MCF2: variants seen among roughly 807,000 people sequenced by gnomAD.
MCF2 encodes the protein proto-oncogene DBL.
In MCF2, 44 loss-of-function variants were observed where a neutral mutation model predicts 82.5. The ratio of observed to expected loss-of-function variants is 0.53; its 90% confidence interval spans 0.42 to 0.69. The LOEUF (loss-of-function observed/expected upper bound fraction) is 0.69. Among genes scored for constraint, MCF2 ranks in the 30% least tolerant of loss-of-function variants. The pLI is 0.00. For missense variants in MCF2, 623 were observed against 663.1 expected (o/e 0.94, Z 0.66); for synonymous variants, 217 against 224.9 (o/e 0.96, Z 0.32).
intron 23 of MCF2, 78 bp from the exon 28 acceptor site, chrX:139,585,256 A>G: frequency 1.7e-6 from 1 of 575,304 alleles, no homozygotes; most frequent in Non-Finnish European, 2.7e-6. Context: ...ACTAGCTGTA[A>G]TCCTTTAAAA....
chrX:139,697,155 T>C (rs192777680), intron 1 of MCF2, among the ~76,000 whole-genome samples: 1 of 111,951 alleles, frequency 8.9e-6, no homozygotes, highest in Non-Finnish European at 1.9e-5. Context: ...CCATGGCCAC[T>C]GTGATAAGTT....
At chrX:139,665,197 G>C (rs1228491564) in intron 1 of MCF2, among the ~76,000 whole-genome samples, 1 of 111,441 alleles carries the variant, frequency 9.0e-6, no homozygotes, top group African/African-American at 3.3e-5. Flanking sequence ...TCTCAGTAAA[G>C]TCACATGTTC....
At chrX:139,666,396 T>C (rs1022476087) in intron 1 of MCF2, among the ~76,000 whole-genome samples, 28 of 111,176 alleles carry the variant, frequency 2.5e-4, no homozygotes, top group African/African-American at 9.2e-4. Context: ...GCCAGTCTGG[T>C]GGCCCTAAAG....
At chrX:139,634,140 A>G (rs985000135) in intron 1 of MCF2, among the ~76,000 whole-genome samples, 4 of 111,917 alleles carry the variant, frequency 3.6e-5, no homozygotes, top group African/African-American at 1.3e-4. Context: ...AAGGGAAAGA[A>G]GTCTAGGCTA....
chrX:139,700,474 T>C (rs1267928170), intron 1 of MCF2, among the ~76,000 whole-genome samples: 1 of 112,088 alleles, frequency 8.9e-6, no homozygotes, highest in Non-Finnish European at 1.9e-5. Context: ...AGAATATTGA[T>C]ATTTTGGCAT....
chrX:139,582,472 C>G, exon 25 of MCF2: 1 of 1,209,594 alleles, frequency 8.3e-7, no homozygotes, highest in Non-Finnish European at 1.1e-6. Context: ...GTAGCTTCAT[C>G]AATATAGGAG....
At chrX:139,627,598 C>T (rs914183168) in intron 4 of MCF2, among the ~76,000 whole-genome samples, 2 of 111,708 alleles carry the variant, frequency 1.8e-5, no homozygotes, top group Non-Finnish European at 3.8e-5. Flanking sequence ...ATTCTGAGGA[C>T]AGATTCCATG....
At chrX:139,674,458 T>C (rs890815377) in intron 1 of MCF2, among the ~76,000 whole-genome samples, 11 of 112,093 alleles carry the variant, frequency 9.8e-5, no homozygotes, top group Admixed American at 9.5e-4. Context: ...CAGTGGTTGA[T>C]ACTGGTTGTT....
At chrX:139,648,208 C>T (rs772720394) in intron 2 of MCF2, among the ~76,000 whole-genome samples, 2 of 109,972 alleles carry the variant, frequency 1.8e-5, no homozygotes, top group African/African-American at 6.6e-5. Flanking sequence ...CCTGTCTCTA[C>T]CAAAAATACA....
At chrX:139,693,083 C>T (rs1406808805) in intron 1 of MCF2, among the ~76,000 whole-genome samples, 1 of 111,370 alleles carries the variant, frequency 9.0e-6, no homozygotes, top group Non-Finnish European at 1.9e-5. Flanking sequence ...GCCCTGAACC[C>T]AAAGCACTCA....
At chrX:139,705,646 T>C (rs1379664287) in intron 1 of MCF2, among the ~76,000 whole-genome samples, 1 of 112,375 alleles carries the variant, frequency 8.9e-6, no homozygotes, top group Non-Finnish European at 1.9e-5. Flanking sequence ...TTTTCGACAT[T>C]GGCCTTGGTA....
At chrX:139,599,952 A>T (rs1930412521) in intron 16 of MCF2, among the ~76,000 whole-genome samples, 1 of 112,332 alleles carries the variant, frequency 8.9e-6, no homozygotes, top group African/African-American at 3.2e-5. Context: ...AATGCTATAC[A>T]TCCATATAAT....
At chrX:139,646,149 C>A (rs1280028925), upstream of MCF2, among the ~76,000 whole-genome samples, 1 of 111,643 alleles carries the variant, frequency 9.0e-6, no homozygotes, top group African/African-American at 3.2e-5. Flanking sequence ...CACTTTCAAG[C>A]TTCAATAGGT....
chrX:139,665,161 C>T (rs1413339839), intron 1 of MCF2, among the ~76,000 whole-genome samples: 2 of 111,471 alleles, frequency 1.8e-5, no homozygotes, highest in African/African-American at 6.5e-5. Context: ...GTGGCACAAG[C>T]ACTCCCTTAG....
At chrX:139,600,436 C>T (rs569377664) in intron 16 of MCF2, among the ~76,000 whole-genome samples, 29 of 111,193 alleles carry the variant, frequency 2.6e-4, no homozygotes, top group African/African-American at 8.5e-4. Flanking sequence ...GGATGTTTAT[C>T]TAGAAAGAGT....
chrX:139,638,498 C>A (rs188246958), intron 1 of MCF2, among the ~76,000 whole-genome samples: 1 of 111,405 alleles, frequency 9.0e-6, no homozygotes, highest in Non-Finnish European at 1.9e-5. Flanking sequence ...CCATGGTGAA[C>A]TGGAGAACAT....
chrX:139,586,377 C>G lies in MCF2; in HGVS notation c.2632+1G>C. ...CGTCTTAAGATGACCATGACACATA[C>G]CTGTATTTGCTTCTGCCTGAACTGA... On this transcript the variant is annotated splice_donor_variant, in intron 23 of 24. Coordinates refer to ENST00000370576, the Ensembl canonical transcript of MCF2. LOFTEE classifies it high-confidence loss of function. 6 of 1,188,276 alleles carry G rather than the reference C, an allele frequency of 5.0e-6. No individual in the cohort carries two copies. The highest frequency in any genetic ancestry group is 6.9e-6 in the Non-Finnish European group (6 of 874,642).
rs745906632 is a variant in MCF2, at chrX:139,707,059, G to A, written c.-45+1047C>T. Among the ~76,000 whole-genome samples, 5 of 110,528 alleles carry A rather than the reference G, an allele frequency of 4.5e-5. No homozygotes were observed. In the East Asian group the frequency reaches 8.5e-4, roughly 19 times the overall value. On this transcript the variant is annotated intron_variant, in intron 1 of 27. Transcript: ENST00000414978. ...GACAAAGGGAATTTCAGAAAGAGAT[G>A]TGCAGCTAGCCGGCAGAGTAACCAG... is the stretch of plus-strand genomic sequence containing the variant.
exon 1 of MCF2, chrX:139,642,560 C>T (rs750509366): frequency 6.6e-6 from 8 of 1,208,234 alleles, no homozygotes; most frequent in South Asian, 1.8e-5. Flanking sequence ...CAATTGTCAA[C>T]GCAACGTTGA....
Sources: allele counts gnomAD v4.1 joint callset (sites outside exome capture counted in the v4.1 genomes callset), GRCh38; gene constraint gnomAD v4.1.1; transcripts MANE v1.5; gene names NCBI Gene and HGNC (gene_info 2026-07-23, HGNC 2026-07-21).